CRADD: variants seen among roughly 807,000 people sequenced by gnomAD.
The protein encoded by CRADD is CARD and death domain containing adaptor protein, also known as death domain-containing protein CRADD.
A neutral mutation model predicts 15.5 loss-of-function variants in CRADD; 9 were observed. The ratio of observed to expected loss-of-function variants is 0.58; its 90% CI spans 0.35 to 1.01. The LOEUF is 1.01. Ranked by LOEUF, CRADD falls within the 50% of genes least tolerant of loss-of-function variation. The pLI is 0.02. For synonymous variants in CRADD, 118 were observed against 107.6 expected (o/e 1.10, Z -0.60); for missense variants, 227 against 250.3 (o/e 0.91, Z 0.63).
intron 2 of CRADD, among the ~76,000 whole-genome samples, chr12:93,684,314 C>CT (rs1955385833): frequency 6.6e-6 from 1 of 152,136 alleles, no homozygotes; most frequent in African/African-American, 2.4e-5. Flanking sequence ...ACTGTTCCAC[C>CT]TTAGATTATT....
At chr12:93,767,052 C>T (rs1957033619) in intron 2 of CRADD, among the ~76,000 whole-genome samples, 1 of 152,194 alleles carries the variant, frequency 6.6e-6, no homozygotes. Context: ...ACCAGACCCT[C>T]GGGCCTTGTC....
chr12:93,820,046 C>T (rs536946457), intron 2 of CRADD, among the ~76,000 whole-genome samples: 3 of 152,334 alleles, frequency 2.0e-5, no homozygotes, highest in African/African-American at 4.8e-5. Context: ...TACCAGCCAC[C>T]CAGTCATTCA....
chr12:93,713,454 C>G (rs1956109520), intron 2 of CRADD, among the ~76,000 whole-genome samples: 2 of 152,078 alleles, frequency 1.3e-5, no homozygotes, highest in African/African-American at 4.8e-5. Context: ...CTGCACATAC[C>G]AAAATCCACA....
intron 2 of CRADD, among the ~76,000 whole-genome samples, chr12:93,874,797 C>A (rs999029059): frequency 1.3e-5 from 2 of 151,954 alleles, no homozygotes; most frequent in Admixed American, 6.6e-5. Context: ...GTCATTATTT[C>A]AATTTTTTTG....
chr12:93,872,090 G>A (rs1958425525), intron 2 of CRADD, among the ~76,000 whole-genome samples: 1 of 151,938 alleles, frequency 6.6e-6, no homozygotes, highest in Non-Finnish European at 1.5e-5. Context: ...CTTGTCTTTT[G>A]GATATAAGCC....
chr12:93,862,092 G>A (rs2137059787), intron 2 of CRADD, among the ~76,000 whole-genome samples: 1 of 152,246 alleles, frequency 6.6e-6, no homozygotes, highest in Non-Finnish European at 1.5e-5. Flanking sequence ...CTTCCACCAT[G>A]CCTTTGTGAG....
intron 2 of CRADD, among the ~76,000 whole-genome samples, chr12:93,689,022 G>T (rs892537185): frequency 6.6e-6 from 1 of 152,080 alleles, no homozygotes; most frequent in African/African-American, 2.4e-5. Context: ...GAAGGCTAGG[G>T]TCTAATGGAA....
At chr12:93,865,795 C>G (rs1243718952) in intron 2 of CRADD, among the ~76,000 whole-genome samples, 1 of 149,946 alleles carries the variant, frequency 6.7e-6, no homozygotes, top group Non-Finnish European at 1.5e-5. Flanking sequence ...CTTGTTTTTT[C>G]TTTGTATTAT....
At chr12:93,713,484 T>C (rs570384416) in intron 2 of CRADD, among the ~76,000 whole-genome samples, 18 of 152,184 alleles carry the variant, frequency 1.2e-4, no homozygotes, top group Non-Finnish European at 2.6e-4. Context: ...GTTCCTCATA[T>C]AAAAATGGCA....
rs1327769433 is a variant in CRADD at position 93,850,628 on chromosome 12, G to A, written c.*357G>A. The stretch of plus-strand genomic sequence containing the variant: ...ATATATCTCATGTCATCACATTACA[G>A]GCAGGTGTCTCATATGTAAAACATT... On this transcript the variant is annotated 3_prime_UTR_variant, in exon 3 of 3. Coordinates refer to ENST00000332896, the MANE Select transcript of CRADD (RefSeq NM_003805.5). The surrounding 1 kb of genome is among the most constrained non-coding windows in gnomAD (Gnocchi z 4.0). 2 of 937,458 alleles carry A rather than the reference G, an allele frequency of 2.1e-6. No homozygotes were observed. The highest frequency in any genetic ancestry group is 2.5e-6 in the Non-Finnish European group (2 of 785,572). The allele number at this position is 937,458 out of a possible 1,614,324, so 58.1% of individuals were successfully genotyped here. A position where few individuals can be genotyped will look rare whatever the true frequency, so the allele number is the denominator to read the frequency against.
intron 2 of CRADD, chr12:93,738,740 G>T: frequency 5.9e-6 from 2 of 339,042 alleles, no homozygotes; most frequent in Non-Finnish European, 5.3e-6. Flanking sequence ...AAGATAACAG[G>T]GACCCTATTC....
intron 2 of CRADD, among the ~76,000 whole-genome samples, chr12:93,866,500 TA>T (rs1245420844): frequency 6.6e-6 from 1 of 152,224 alleles, no homozygotes; most frequent in Non-Finnish European, 1.5e-5. Context: ...AACTCTCTGA[TA>T]GTTTTTGTCT....
At chr12:93,847,689 G>A (rs1319541743) in intron 2 of CRADD, among the ~76,000 whole-genome samples, 6 of 151,954 alleles carry the variant, frequency 3.9e-5, no homozygotes, top group Non-Finnish European at 8.8e-5. Flanking sequence ...AAGGGGGCAT[G>A]GATGATTGTT....
At chr12:93,740,019 A>G (rs1405623516) in intron 2 of CRADD, among the ~76,000 whole-genome samples, 1 of 152,158 alleles carries the variant, frequency 6.6e-6, no homozygotes, top group Non-Finnish European at 1.5e-5. Context: ...ATAAAATACA[A>G]ATGTTTTTAT....
At chr12:93,881,887 G>C (rs1958504649) in intron 2 of CRADD, among the ~76,000 whole-genome samples, 1 of 152,110 alleles carries the variant, frequency 6.6e-6, no homozygotes, top group South Asian at 2.1e-4. Context: ...AGCACTTTGG[G>C]AGGCCGAGGC....
chr12:93,725,871 G>A (rs1030361007), intron 2 of CRADD, among the ~76,000 whole-genome samples: 9 of 152,116 alleles, frequency 5.9e-5, no homozygotes, highest in Non-Finnish European at 1.3e-4. Context: ...CTCCCTGCCT[G>A]TAATGTAGGT....
chr12:93,732,866 A>G (rs939318571), intron 2 of CRADD, among the ~76,000 whole-genome samples: 1 of 152,238 alleles, frequency 6.6e-6, no homozygotes, highest in Non-Finnish European at 1.5e-5. Flanking sequence ...TTTCATAAGT[A>G]GTCCAATTTC....
At chr12:93,893,985 A>G (rs1031799948) in intron 2 of CRADD, 1 of 701,756 alleles carries the variant, frequency 1.4e-6, no homozygotes, top group African/African-American at 1.7e-5. Context: ...AAAGTGCACC[A>G]CACACATTAG....
chr12:93,832,853 C>T (rs1957925137), intron 2 of CRADD, among the ~76,000 whole-genome samples: 1 of 152,146 alleles, frequency 6.6e-6, no homozygotes, highest in African/African-American at 2.4e-5. Flanking sequence ...TGCTAATAAC[C>T]TGTGAAGAAG....
Sources: allele counts gnomAD v4.1 joint callset (sites outside exome capture counted in the v4.1 genomes callset), GRCh38; gene constraint gnomAD v4.1.1; non-coding constraint Gnocchi (gnomAD v3.1); transcripts MANE v1.5; gene names NCBI Gene and HGNC (gene_info 2026-07-23, HGNC 2026-07-21).